Variants in CHST8 observed in about 807,000 individuals in gnomAD.
CHST8 encodes the protein carbohydrate sulfotransferase 8, also known as GALNAC-4-ST1.
CHST8 carries 10 observed loss-of-function variants against 15.0 expected under a neutral mutation model. The observed-to-expected ratio is 0.67, with a 90% confidence interval of 0.41 to 1.13. CHST8 has a LOEUF of 1.13. CHST8 is among the 50% of genes most tolerant of loss of function. The pLI is 0.00. For missense variants in CHST8, 634 were observed against 608.2 expected (o/e 1.04, Z -0.45); for synonymous variants, 259 against 256.6 (o/e 1.01, Z -0.09).
intron 1 of CHST8, among the ~76,000 whole-genome samples, chr19:33,662,319 C>G (rs1342222088): frequency 6.6e-6 from 1 of 152,198 alleles, no homozygotes; most frequent in African/African-American, 2.4e-5. Context: ...TTCAAACGAT[C>G]TGCCAGTCTC....
chr19:33,706,383 C>T (rs139081535), intron 3 of CHST8, among the ~76,000 whole-genome samples: 2,101 of 152,250 alleles, frequency 0.014, 11 homozygotes, highest in Non-Finnish European at 0.019. Flanking sequence ...ACCCATAATC[C>T]TAGCTGTGTA....
chr19:33,659,071 T>TG (rs1185346680), intron 1 of CHST8, among the ~76,000 whole-genome samples: 2 of 139,918 alleles, frequency 1.4e-5, no homozygotes, highest in Non-Finnish European at 3.1e-5. Context: ...TTTTTTTTTT[T>TG]TTTTTTTTTT....
At chr19:33,625,302 C>T (rs1328366301) in intron 1 of CHST8, among the ~76,000 whole-genome samples, 1 of 151,824 alleles carries the variant, frequency 6.6e-6, no homozygotes, top group Non-Finnish European at 1.5e-5. Flanking sequence ...AGGATGGTCT[C>T]GATCTCCTGA....
chr19:33,652,532 C>T (rs1012789053), intron 1 of CHST8, among the ~76,000 whole-genome samples: 2 of 151,962 alleles, frequency 1.3e-5, no homozygotes, highest in South Asian at 2.1e-4. Flanking sequence ...CCCAGCAACA[C>T]GCCCGGCTAA....
intron 3 of CHST8, among the ~76,000 whole-genome samples, chr19:33,695,287 A>C (rs77159597): frequency 6.6e-6 from 1 of 152,160 alleles, no homozygotes; most frequent in East Asian, 1.9e-4. Context: ...GTTTGAGACA[A>C]TGTGCCAGCA....
At chr19:33,746,382 T>C (rs1974313579) in intron 3 of CHST8, among the ~76,000 whole-genome samples, 1 of 152,204 alleles carries the variant, frequency 6.6e-6, no homozygotes, top group African/African-American at 2.4e-5. Context: ...ACCACTGATC[T>C]TATTCCATCT....
chr19:33,647,846 A>AAAAT (rs146283524), intron 1 of CHST8, among the ~76,000 whole-genome samples: 20,381 of 151,412 alleles, frequency 0.13, 1,717 homozygotes, highest in African/African-American at 0.23. Context: ...GCTCCGTTTC[A>AAAAT]AAATAAATAA....
intron 1 of CHST8, among the ~76,000 whole-genome samples, chr19:33,653,098 T>A (rs1019433194): frequency 6.6e-6 from 1 of 152,242 alleles, no homozygotes; most frequent in African/African-American, 2.4e-5. Context: ...CACTCTTGCT[T>A]ATTGCATTCT....
At position 33,757,454 on chromosome 19, in the gene CHST8, GA is replaced by G. The variant is rs759182078; in HGVS notation, c.131-13956del. ...AGAAAGAAAGAAAGAAAGAAAGAAA[GA>G]AAGAAAGAAAGAAAGAAAGAAAGAA... On this transcript the variant is annotated intron_variant, in intron 3 of 4. Transcript: ENST00000650847. Among the ~76,000 whole-genome samples, 25 of 34,532 alleles carry G rather than the reference GA, an allele frequency of 7.2e-4. 3 individuals carry two copies. The highest frequency in any genetic ancestry group is 1.2e-3 in the Admixed American group (4 of 3,344). 22.7% of individuals were successfully genotyped at this position (34,532 alleles called of 152,430 possible). A position where few individuals can be genotyped will look rare whatever the true frequency, so the allele number is the denominator to read the frequency against.
At chr19:33,743,072 C>A (rs1974228758) in intron 3 of CHST8, among the ~76,000 whole-genome samples, 2 of 151,060 alleles carry the variant, frequency 1.3e-5, no homozygotes, top group South Asian at 4.2e-4. Flanking sequence ...GGCTGGTGGC[C>A]CTCTGTTCAT....
chr19:33,653,218 T>A (rs1972471600), intron 1 of CHST8, among the ~76,000 whole-genome samples: 1 of 152,226 alleles, frequency 6.6e-6, no homozygotes, highest in Non-Finnish European at 1.5e-5. Flanking sequence ...TTCATTTAAA[T>A]ATTATTTTTC....
intron 3 of CHST8, among the ~76,000 whole-genome samples, chr19:33,717,116 A>G (rs1271852881): frequency 9.9e-5 from 15 of 152,134 alleles, no homozygotes; most frequent in Admixed American, 7.9e-4. Flanking sequence ...CACCCTTGCA[A>G]GAAGGAATTC....
At chr19:33,677,652 G>C (rs1972827405) in intron 2 of CHST8, among the ~76,000 whole-genome samples, 2 of 152,144 alleles carry the variant, frequency 1.3e-5, no homozygotes, top group African/African-American at 2.4e-5. Flanking sequence ...TACTGGCTGG[G>C]AAAACAGGAG....
At chr19:33,765,559 G>GTGTC (rs1202746538) in intron 3 of CHST8, among the ~76,000 whole-genome samples, 95 of 117,218 alleles carry the variant, frequency 8.1e-4, no homozygotes, top group African/African-American at 2.6e-3. Flanking sequence ...GTGTGTCAGA[G>GTGTC]AGAGAGAGAG....
intron 3 of CHST8, among the ~76,000 whole-genome samples, chr19:33,695,821 C>CTTTCTTTCTTTCTTTCTTTTTTTT (rs57718433): frequency 5.2e-5 from 4 of 76,232 alleles, no homozygotes; most frequent in East Asian, 4.0e-4. Flanking sequence ...TTCTTTCTTT[C>CTTTCTTTCTTTCTTTCTTTTTTTT]TTTTTTTTTT....
intron 3 of CHST8, among the ~76,000 whole-genome samples, chr19:33,760,290 C>CCTTCCCTCCTTTCTT (rs1295860792): frequency 1.8e-3 from 2 of 1,090 alleles, no homozygotes; most frequent in Admixed American, 0.02. Flanking sequence ...CTCCTTCCTT[C>CCTTCCCTCCTTTCTT]CCTCCCTTCC....
intron 3 of CHST8, among the ~76,000 whole-genome samples, chr19:33,757,379 C>CA (rs1325958741): frequency 1.1e-5 from 1 of 91,406 alleles, no homozygotes; most frequent in African/African-American, 4.1e-5. Flanking sequence ...GACGCGGTCT[C>CA]AAAAAAAGAA....
chr19:33,713,102 C>T (rs1211543518), intron 3 of CHST8, among the ~76,000 whole-genome samples: 1 of 152,108 alleles, frequency 6.6e-6, no homozygotes, highest in Non-Finnish European at 1.5e-5. Context: ...TAGGCAACCC[C>T]AGCCTCCTCT....
At chr19:33,661,109 G>A (rs571107712) in intron 1 of CHST8, among the ~76,000 whole-genome samples, 4 of 152,144 alleles carry the variant, frequency 2.6e-5, no homozygotes, top group Non-Finnish European at 5.9e-5. Context: ...ACTGGGTTGG[G>A]TTGAGCCCAG....
Sources: gnomAD v4.1 joint callset for allele counts (sites outside exome capture counted in the v4.1 genomes callset) on GRCh38, gnomAD v4.1.1 for gene constraint, MANE v1.5 for transcripts, NCBI Gene and HGNC (gene_info 2026-07-23, HGNC 2026-07-21) for gene names.